The following NPPB variants were observed in gnomAD, a reference collection of about 807,000 sequenced individuals.
The protein encoded by NPPB is natriuretic peptides B.
A neutral mutation model predicts 12.7 loss-of-function variants in NPPB; 13 were observed. The ratio of observed to expected loss-of-function variants is 1.03; its 90% CI spans 0.67 to 1.63. The LOEUF is 1.63. Among genes scored for constraint, NPPB ranks in the 40% most tolerant of loss-of-function variants. The probability of loss-of-function intolerance (pLI) is 0.00; values close to 1 mark genes in which losing one functional copy is unlikely to be tolerated. For synonymous variants in NPPB, 66 were observed against 74.7 expected (o/e 0.88, Z 0.60); for missense variants, 184 against 172.9 (o/e 1.06, Z -0.36).
chr1:11,858,082 C>G (rs1645131608), intron 2 of NPPB, 132 bp downstream of exon 2: 2 of 885,474 alleles, frequency 2.3e-6, no homozygotes, highest in Admixed American at 2.5e-5. Flanking sequence ...AGGCTGTTAA[C>G]AAGAGGAAGC....
rs1309765725 is a variant in NPPB at position 11,858,194 on chromosome 1, G to T, written c.388+20C>A. 3 of 1,577,368 alleles carry T rather than the reference G, an allele frequency of 1.9e-6. No individual in the cohort carries two copies. Among genetic ancestry groups the T allele is most frequent in the South Asian group, 1.1e-5 (1 of 87,348 alleles). ...ACACTGGAATGGGGGAAGGCGGCCG[G>T]GGTGGCAGGGGGTGCTTACCTTTGC... On this transcript the variant is annotated intron_variant, in intron 2 of 2. Coordinates refer to ENST00000376468, the MANE Select transcript of NPPB (RefSeq NM_002521.3).
Position 11,858,931 on chromosome 1 carries a change from CG to C in NPPB, c.-99del. On this transcript the variant is annotated 5_prime_UTR_variant, in exon 1 of 3. Coordinates refer to ENST00000376468, the MANE Select transcript of NPPB (RefSeq NM_002521.3). ...TTGCTTCCCACCTGCCCTCAGCCTG[CG>C]GGGTGCTCCTCCTGGCTCCTCGGGA... 6.3e-7 allele frequency: 1 copy of C among 1,582,756 alleles called. No individual in the cohort carries two copies. Among genetic ancestry groups the C allele is most frequent in the Non-Finnish European group, 8.6e-7 (1 of 1,165,302 alleles).
At chr1:11,857,786 T>C in intron 2 of NPPB, 115 bp from the exon 3 acceptor site, 1 of 1,004,266 alleles carries the variant, frequency 1.0e-6, no homozygotes, top group Non-Finnish European at 1.6e-6. Context: ...GTTTGAGGCT[T>C]AATGCAACTC....
Position 11,857,514 on chromosome 1 carries a change from G to A in NPPB, c.*141C>T, listed in dbSNP as rs1220878326. On this transcript the variant is annotated 3_prime_UTR_variant, in exon 3 of 3. Transcript: ENST00000376468. ...TCACCGTGGAAATTTTGTGCTCAAA[G>A]GTAAGAAACCATCTTATATAAAACA... 3 of 761,762 alleles carry A rather than the reference G, an allele frequency of 3.9e-6. No individual in the cohort carries two copies. The highest frequency in any genetic ancestry group is 2.6e-5 in the Admixed American group (1 of 38,174). The allele number at this position is 761,762 out of a possible 1,614,324, so 47.2% of individuals were successfully genotyped here.
In NPPB at chr1:11,857,534, A is replaced by G; in HGVS notation, c.*121T>C. ...TCAAAGGTAAGAAACCATCTTATAT[A>G]AAACAATCAAATAAATACATAAATA... On this transcript the variant is annotated 3_prime_UTR_variant, in exon 3 of 3. Transcript: ENST00000376468. The G allele has an allele frequency of 1.1e-6, 1 of 945,068 alleles. No homozygotes were observed. Among genetic ancestry groups the G allele is most frequent in the Admixed American group, 2.3e-5 (1 of 44,218 alleles). 58.5% of individuals were successfully genotyped at this position (945,068 alleles called of 1,614,324 possible).
chr1:11,858,101 G>A (rs1645131673), intron 2 of NPPB, 113 bp downstream of exon 2: 1 of 1,040,028 alleles, frequency 9.6e-7, no homozygotes, highest in African/African-American at 1.6e-5. Flanking sequence ...GCGATGTCCA[G>A]GTGACCTTTT....
At position 11,858,727 on chromosome 1, in the gene NPPB, G is replaced by A. The variant is rs1267231541; in HGVS notation, c.107C>T (p.Ser36Leu). 1.9e-6 allele frequency: 3 copies of A among 1,614,174 alleles called. No individual in the cohort carries two copies. The highest frequency in any genetic ancestry group is 2.5e-6 in the Non-Finnish European group (3 of 1,180,028). Residue 36 changes from serine to leucine, a missense_variant, in exon 1 of 3, where the codon TCG becomes TTG. Transcript: ENST00000376468. The part of the protein sequence containing the change: ...SHPLGSPGSA[S>L]DLETSGLQEQ... Reference sequence around the variant, plus strand: ...CTGTAACCCGGACGTTTCCAAGTCCGAGGCTGAACCGGGGCTGCCCAGCGG... The same window carrying A: ...CTGTAACCCGGACGTTTCCAAGTCCAAGGCTGAACCGGGGCTGCCCAGCGG...
At chr1:11,857,985 A>G (rs79250109) in intron 2 of NPPB, among the ~76,000 whole-genome samples, 2,015 of 152,304 alleles carry the variant, frequency 0.013, 33 homozygotes, top group African/African-American at 0.045. Context: ...TTTGATAAGA[A>G]GTAGGAGGTG....
rs1645131824 is a variant in NPPB at position 11,858,129 on chromosome 1, CCA to C, written c.388+83_388+84del. On this transcript the variant is annotated intron_variant, in intron 2 of 2. Transcript: ENST00000376468. Reference sequence around the variant, plus strand: ...GACCTTTTCTCAAAGAGTGTGGTTCCCAGAGACAACAAACCCCAAAGTGACTC... The same window carrying C: ...GACCTTTTCTCAAAGAGTGTGGTTCCGAGACAACAAACCCCAAAGTGACTC... 6.1e-6 allele frequency: 8 copies of C among 1,321,272 alleles called. No homozygotes were observed. In the South Asian group the frequency reaches 1.2e-4, roughly 19 times the overall value. 81.8% of individuals were successfully genotyped at this position (1,321,272 alleles called of 1,614,324 possible). A position where few individuals can be genotyped will look rare whatever the true frequency, so the allele number is the denominator to read the frequency against.
Position 11,858,863 on chromosome 1 carries a change from T to C in NPPB, c.-30A>G. The C allele has an allele frequency of 6.2e-7, 1 of 1,609,200 alleles. No individual in the cohort carries two copies. The highest frequency in any genetic ancestry group is 1.7e-5 in the Admixed American group (1 of 59,958). On this transcript the variant is annotated 5_prime_UTR_variant, in exon 1 of 3. Coordinates refer to ENST00000376468, the MANE Select transcript of NPPB (RefSeq NM_002521.3). ...CTGGAGGGACTGCGGAGGCTGCTGC[T>C]GCTGCTTCTGCTGCTGCTGCTGCTG...
intron 2 of NPPB, 67 bp downstream of exon 2, chr1:11,858,147 A>G: frequency 1.4e-6 from 2 of 1,438,328 alleles, no homozygotes; most frequent in Non-Finnish European, 1.9e-6. Flanking sequence ...AACAAACCCC[A>G]AAGTGACTCT....
In NPPB at chr1:11,858,378, C is replaced by T. The variant is rs770603725; in HGVS notation, c.224G>A (p.Gly75Asp). The change falls in exon 2 of 3, where the codon GGT becomes GAT. Residue 75 changes from glycine to aspartate, a missense_variant. Gly to Asp is a moderately conservative substitution (Grantham distance 94). Transcript: ENST00000376468. ...EPLQESPRPT[G>D]VWKSREVATE... ...GGCTACCTCCCGGGACTTCCAGACACCTGTGGGACGGGGGCTCTCCTGGAG... is the reference window on the plus strand; with the variant it reads ...GGCTACCTCCCGGGACTTCCAGACATCTGTGGGACGGGGGCTCTCCTGGAG... The T allele has an allele frequency of 5.0e-6, 8 of 1,603,568 alleles. No homozygotes were observed. In the African/African-American group the frequency reaches 9.4e-5, roughly 19 times the overall value.
Position 11,858,171 on chromosome 1 carries a change from A to C in NPPB, c.388+43T>G. The C allele has an allele frequency of 1.9e-6, 3 of 1,542,320 alleles. No individual in the cohort carries two copies. In the South Asian group the frequency reaches 3.7e-5, roughly 19 times the overall value. On this transcript the variant is annotated intron_variant, in intron 2 of 2. Transcript: ENST00000376468. ...CAAAGTGACTCTAACAGTGTCACAC[A>C]CTGGAATGGGGGAAGGCGGCCGGGG... is the stretch of plus-strand genomic sequence containing the variant.
At position 11,858,485 on chromosome 1, in the gene NPPB, G is replaced by A. The variant is rs774664006; in HGVS notation, c.133-16C>T. On this transcript the variant is annotated splice_polypyrimidine_tract_variant and intron_variant, in intron 1 of 2. Transcript: ENST00000376468. Reference sequence around the variant, plus strand: ...TGCGCTGCTCCTGCAATGAATGGGGGCGTCCAAGCCTCAGGGACCCACCCC... The same window carrying A: ...TGCGCTGCTCCTGCAATGAATGGGGACGTCCAAGCCTCAGGGACCCACCCC... The A allele has an allele frequency of 6.5e-7, 1 of 1,533,134 alleles. No individual in the cohort carries two copies. Among genetic ancestry groups the A allele is most frequent in the Non-Finnish European group, 8.8e-7 (1 of 1,141,362 alleles). The allele number at this position is 1,533,134 out of a possible 1,614,324, so 95.0% of individuals were successfully genotyped here. A position where few individuals can be genotyped will look rare whatever the true frequency, so the allele number is the denominator to read the frequency against.
At chr1:11,858,503 C>G (rs1393997761) in intron 1 of NPPB, 34 bp from the exon 2 acceptor site, 1 of 1,534,498 alleles carries the variant, frequency 6.5e-7, no homozygotes, top group Admixed American at 2.1e-5. Context: ...GCCTCAGGGA[C>G]CCACCCCTGG....
At chr1:11,858,134 G>C in intron 2 of NPPB, 80 bp downstream of exon 2, 1 of 1,359,420 alleles carries the variant, frequency 7.4e-7, no homozygotes, top group Non-Finnish European at 1.0e-6. Context: ...GGTTCCCAGA[G>C]ACAACAAACC....
At chr1:11,858,136 C>A in intron 2 of NPPB, 78 bp downstream of exon 2, 1 of 1,382,262 alleles carries the variant, frequency 7.2e-7, no homozygotes, top group Non-Finnish European at 9.8e-7. Context: ...TTCCCAGAGA[C>A]AACAAACCCC....
chr1:11,858,910 T>C lies in NPPB; in HGVS notation c.-77A>G, dbSNP rs1445810381. ...GCTGCTGCGATGCGTCCGGGTTTGC[T>C]TCCCACCTGCCCTCAGCCTGCGGGG... is the stretch of plus-strand genomic sequence containing the variant. On this transcript the variant is annotated 5_prime_UTR_variant, in exon 1 of 3. Coordinates refer to ENST00000376468, the MANE Select transcript of NPPB (RefSeq NM_002521.3). The C allele has an allele frequency of 5.6e-6, 9 of 1,607,570 alleles. No homozygotes were observed. In the Admixed American group the frequency reaches 1.2e-4, roughly 21 times the overall value.
In NPPB at chr1:11,858,402, A is replaced by AG; in HGVS notation, c.199dup (p.Leu67ProfsTer96). On this transcript the variant is annotated frameshift_variant, in exon 2 of 3. Transcript: ENST00000376468. LOFTEE classifies it high-confidence loss of function. Reference sequence around the variant, plus strand: ...ACCTGTGGGACGGGGGCTCTCCTGGAGGGGCTCCAGGGATGTCTGCTCCAC... The same window carrying AG: ...ACCTGTGGGACGGGGGCTCTCCTGGAGGGGGCTCCAGGGATGTCTGCTCCAC... The AG allele has an allele frequency of 6.3e-7, 1 of 1,578,630 alleles. No homozygotes were observed. Among genetic ancestry groups the AG allele is most frequent in the South Asian group, 1.2e-5 (1 of 86,192 alleles).
Sources: gnomAD v4.1 joint callset for allele counts (sites outside exome capture counted in the v4.1 genomes callset) on GRCh38, gnomAD v4.1.1 for gene constraint, MANE v1.5 for transcripts, NCBI Gene and HGNC (gene_info 2026-07-23, HGNC 2026-07-21) for gene names.